TAS1R2: variants seen among roughly 807,000 people sequenced by gnomAD.
The protein encoded by TAS1R2 is taste 1 receptor member 2.
Under a neutral mutation model 49.3 loss-of-function variants are expected in TAS1R2, and 47 were observed. The observed-to-expected ratio is 0.95, with a 90% CI of 0.75 to 1.22. The LOEUF is 1.22. Ranked by LOEUF, TAS1R2 falls within the 50% of genes most tolerant of loss-of-function variation. The pLI, the probability that TAS1R2 is intolerant of heterozygous loss-of-function variation, is 0.00. For missense variants in TAS1R2, 1,155 were observed against 1,122.1 expected, an observed-to-expected ratio of 1.03 and a Z score of -0.42; for synonymous variants, 479 against 467.9, an observed-to-expected ratio of 1.02 and a Z score of -0.31.
intron 4 of TAS1R2, among the ~76,000 whole-genome samples, chr1:18,843,761 T>C (rs1210296677): frequency 6.6e-6 from 1 of 152,196 alleles, no homozygotes; most frequent in African/African-American, 2.4e-5. Flanking sequence ...AAATCAACTC[T>C]TGGAGTCCTG....
exon 6 of TAS1R2, chr1:18,839,621 C>A: frequency 1.2e-6 from 2 of 1,614,126 alleles, no homozygotes; most frequent in Non-Finnish European, 1.7e-6. Context: ...CATGGTGTAG[C>A]CCTGGATCAT....
intron 3 of TAS1R2, among the ~76,000 whole-genome samples, chr1:18,852,839 G>C (rs1934057086): frequency 6.6e-6 from 1 of 152,190 alleles, no homozygotes. Context: ...CTGTGCACAG[G>C]TGCAATTCTG....
At chr1:18,848,864 G>T (rs1387859683) in intron 4 of TAS1R2, among the ~76,000 whole-genome samples, 1 of 152,200 alleles carries the variant, frequency 6.6e-6, no homozygotes, top group Non-Finnish European at 1.5e-5. Context: ...ACATTAGGGT[G>T]AGTTGTACGA....
intron 1 of TAS1R2, chr1:18,858,246 A>G (rs1366311064): frequency 6.5e-6 from 1 of 153,682 alleles, no homozygotes; most frequent in East Asian, 1.9e-4. Context: ...CCCCATCACC[A>G]TCATCACTAC....
exon 2 of TAS1R2, chr1:18,857,600 T>C: frequency 6.2e-7 from 1 of 1,613,986 alleles, no homozygotes; most frequent in Non-Finnish European, 8.5e-7. Flanking sequence ...ATGGCCTGCA[T>C]GAGGTTGTAG....
exon 1 of TAS1R2, chr1:18,859,652 G>A (rs1442017553): frequency 6.2e-7 from 1 of 1,614,034 alleles, no homozygotes; most frequent in Admixed American, 1.7e-5. Context: ...TCTTTGCCCT[G>A]GGCCCCATGG....
intron 3 of TAS1R2, among the ~76,000 whole-genome samples, chr1:18,853,898 A>C (rs1019979062): frequency 6.6e-6 from 1 of 152,150 alleles, no homozygotes; most frequent in Non-Finnish European, 1.5e-5. Flanking sequence ...AGGCCTTTAG[A>C]GGGTCCACGC....
intron 4 of TAS1R2, among the ~76,000 whole-genome samples, chr1:18,845,023 G>A (rs1248727726): frequency 6.6e-6 from 1 of 152,178 alleles, no homozygotes; most frequent in Admixed American, 6.5e-5. Flanking sequence ...CCAACCAACT[G>A]CTGAAAGATC....
chr1:18,845,372 G>A (rs916777739), intron 4 of TAS1R2, among the ~76,000 whole-genome samples: 1 of 152,220 alleles, frequency 6.6e-6, no homozygotes, highest in African/African-American at 2.4e-5. Context: ...TTGAATGAAT[G>A]GCTTGTGTAT....
chr1:18,853,311 A>G lies in TAS1R2; in HGVS notation c.1257+902T>C, dbSNP rs75284285. Among the ~76,000 whole-genome samples the G allele has an allele frequency of 3.9e-5, 6 of 152,358 alleles. No individual in the cohort carries two copies. The East Asian group carries it at 1.2e-3, about 29-fold the overall frequency. On this transcript the variant is annotated intron_variant, in intron 3 of 5. Transcript: ENST00000375371. ...GATAATTATGTATATTATTAATGTA[A>G]CAGGACATACAGCAATACACAGTAT...
rs527834132 is a variant in TAS1R2, at chr1:18,841,566, G to A, written c.1591+163C>T. On this transcript the variant is annotated intron_variant, in intron 5 of 5. Transcript: ENST00000375371. ...GATTTTGCTCTACACTAGGTTTTGG[G>A]AGGATACAAGAGGAATCAGATCTGG... Among the ~76,000 whole-genome samples, 39 of 152,318 alleles carry A rather than the reference G, an allele frequency of 2.6e-4. No homozygotes were observed. The South Asian group carries it at 5.2e-3, about 20-fold the overall frequency.
At position 18,851,957 on chromosome 1, in the gene TAS1R2, T is replaced by C. The variant is rs1387449285; in HGVS notation, c.1257+2256A>G. On this transcript the variant is annotated intron_variant, in intron 3 of 5. Coordinates refer to ENST00000375371, the Ensembl canonical transcript of TAS1R2. ...TAGTAACAGTATCTGCTCAACAGTG[T>C]CTGTCTGGGGGTGACTGAGAATTCA... Among the ~76,000 whole-genome samples, 4 of 152,318 alleles carry C rather than the reference T, an allele frequency of 2.6e-5. No homozygotes were observed. In the East Asian group the frequency reaches 7.7e-4, roughly 29 times the overall value.
At chr1:18,857,291 C>A in intron 2 of TAS1R2, 40 bp downstream of exon 2, 1 of 1,590,844 alleles carries the variant, frequency 6.3e-7, no homozygotes, top group Non-Finnish European at 8.6e-7. Flanking sequence ...ATTCCTCTGC[C>A]CCCCTCCCCA....
At chr1:18,852,274 T>C in intron 3 of TAS1R2, among the ~76,000 whole-genome samples, 1 of 152,170 alleles carries the variant, frequency 6.6e-6, no homozygotes, top group Admixed American at 6.5e-5. Flanking sequence ...GGACACCACA[T>C]ACCATTTTGC....
intron 4 of TAS1R2, among the ~76,000 whole-genome samples, chr1:18,848,456 C>G (rs6603920): frequency 0.31 from 47,782 of 151,766 alleles, 7,869 homozygotes; most frequent in East Asian, 0.44. Context: ...AAGGACAGGA[C>G]CCCAGACTGT....
At chr1:18,841,982 TAG>T in intron 4 of TAS1R2, 130 bp from the exon 5 acceptor site, 6 of 521,024 alleles carry the variant, frequency 1.2e-5, no homozygotes, top group South Asian at 1.3e-4. Flanking sequence ...GTGGAAACTG[TAG>T]AAAAAAAAAA....
rs1031468864 is a variant in TAS1R2 at position 18,854,853 on chromosome 1, A to G, written c.617T>C (p.Ile206Thr). 1 of 1,610,660 alleles carries G rather than the reference A, an allele frequency of 6.2e-7. No homozygotes were observed. Among genetic ancestry groups the G allele is most frequent in the East Asian group, 2.2e-5 (1 of 44,860 alleles). ...GGTGTCGCTGCTCACCAGCACAATG[A>G]TCCAGTTCCAGCGGAAGTGCAGCAT... The change falls in exon 3 of 6, where the codon ATC becomes ACC. Residue 206 changes from isoleucine to threonine, a missense_variant. Physicochemically the swap from Ile to Thr is moderately conservative, Grantham distance 89. Coordinates refer to ENST00000375371, the Ensembl canonical transcript of TAS1R2. This position sits in a 1 kb window ranked among gnomAD's most constrained non-coding sequence, Gnocchi z 4.9.
Position 18,854,383 on chromosome 1 carries a change from A to C in TAS1R2, c.1087T>G (p.Cys363Gly), listed in dbSNP as rs1187001294. ...AAGGTGGCGTTCAGGCAGTTGTCGCACTCCTGGTTGCAGGTATAGCTCTGG... is the reference window on the plus strand; with the variant it reads ...AAGGTGGCGTTCAGGCAGTTGTCGCCCTCCTGGTTGCAGGTATAGCTCTGG... Residue 363 changes from cysteine to glycine, a missense_variant, in exon 3 of 6, where the codon TGC becomes GGC. Transcript: ENST00000375371. The surrounding 1 kb of genome is among the most constrained non-coding windows in gnomAD (Gnocchi z 4.9). 2 of 1,613,660 alleles carry C rather than the reference A, an allele frequency of 1.2e-6. No homozygotes were observed. The highest frequency in any genetic ancestry group is 1.7e-6 in the Non-Finnish European group (2 of 1,179,926).
At position 18,854,198 on chromosome 1, in the gene TAS1R2, C is replaced by A. The variant is rs2100520706; in HGVS notation, c.1257+15G>T. The A allele has an allele frequency of 6.2e-7, 1 of 1,608,718 alleles. No homozygotes were observed. Among genetic ancestry groups the A allele is most frequent in the South Asian group, 1.1e-5 (1 of 90,570 alleles). On this transcript the variant is annotated intron_variant, in intron 3 of 5. Coordinates refer to ENST00000375371, the Ensembl canonical transcript of TAS1R2. The surrounding 1 kb of genome is among the most constrained non-coding windows in gnomAD (Gnocchi z 4.9). ...TGGAGGTGCCCTGCAGACTCTATGGCAGCCACCCCCTCACCTGCCAGGGGT... is the reference window on the plus strand; with the variant it reads ...TGGAGGTGCCCTGCAGACTCTATGGAAGCCACCCCCTCACCTGCCAGGGGT...
Sources: allele counts gnomAD v4.1 joint callset (sites outside exome capture counted in the v4.1 genomes callset), GRCh38; gene constraint gnomAD v4.1.1; non-coding constraint Gnocchi (gnomAD v3.1); transcripts MANE v1.5; gene names NCBI Gene and HGNC (gene_info 2026-07-23, HGNC 2026-07-21).